The following ROBO2 variants were observed in gnomAD, a reference collection of about 807,000 sequenced individuals.
ROBO2 encodes the protein roundabout guidance receptor 2.
A neutral mutation model predicts 160.8 loss-of-function variants in ROBO2; 53 were observed. That is an observed-to-expected ratio of 0.33 (90% CI 0.26 to 0.41). The LOEUF is 0.41. ROBO2 is among the 10% of genes least tolerant of loss of function. The probability of loss-of-function intolerance (pLI) is 1.00; values close to 1 mark genes in which losing one functional copy is unlikely to be tolerated. For synonymous variants in ROBO2, 664 were observed against 611.7 expected (o/e 1.09, Z -1.26); for missense variants, 1,577 against 1,722.4 (o/e 0.92, Z 1.49).
At chr3:77,371,787 T>C (rs754436105) in intron 2 of ROBO2, among the ~76,000 whole-genome samples, 13 of 152,348 alleles carry the variant, frequency 8.5e-5, no homozygotes, top group Non-Finnish European at 1.5e-4. Flanking sequence ...TGGGTCATGA[T>C]TTTTATCCGG....
intron 1 of ROBO2, among the ~76,000 whole-genome samples, chr3:77,050,943 G>A (rs1559906294): frequency 6.6e-6 from 1 of 151,344 alleles, no homozygotes; most frequent in Non-Finnish European, 1.5e-5. Context: ...GCTTGTGTCT[G>A]CGAGGTCAAG....
chr3:76,662,770 G>A (rs2110069754), intron 2 of ROBO2, among the ~76,000 whole-genome samples: 1 of 152,248 alleles, frequency 6.6e-6, no homozygotes. Context: ...CAGAGTTGAG[G>A]AGTCAGGAAG....
chr3:76,859,118 A>G (rs1177087736), intron 2 of ROBO2, among the ~76,000 whole-genome samples: 1 of 152,204 alleles, frequency 6.6e-6, no homozygotes, highest in Non-Finnish European at 1.5e-5. Flanking sequence ...TAAACATGAG[A>G]GTTGATTTCT....
At chr3:76,681,544 G>A (rs537119443) in intron 2 of ROBO2, among the ~76,000 whole-genome samples, 1 of 152,022 alleles carries the variant, frequency 6.6e-6, no homozygotes, top group East Asian at 1.9e-4. Context: ...GGTGATCAAT[G>A]GAAGCTTTTT....
chr3:76,317,740 A>G (rs1268400657), intron 2 of ROBO2, among the ~76,000 whole-genome samples: 3 of 152,088 alleles, frequency 2.0e-5, no homozygotes, highest in Non-Finnish European at 2.9e-5. Context: ...AGTATTTTTT[A>G]TATATAGTAA....
At chr3:76,681,578 G>T (rs2092562333) in intron 2 of ROBO2, among the ~76,000 whole-genome samples, 1 of 152,132 alleles carries the variant, frequency 6.6e-6, no homozygotes, top group Non-Finnish European at 1.5e-5. Flanking sequence ...CATTTAAATT[G>T]CGACCTAAAG....
intron 1 of ROBO2, among the ~76,000 whole-genome samples, chr3:77,081,314 T>C (rs923674098): frequency 6.6e-6 from 1 of 152,172 alleles, no homozygotes; most frequent in African/African-American, 2.4e-5. Flanking sequence ...AGCAGTGAAA[T>C]TCAGCAGAAG....
At chr3:77,119,196 C>G (rs2074499956) in intron 2 of ROBO2, among the ~76,000 whole-genome samples, 1 of 152,186 alleles carries the variant, frequency 6.6e-6, no homozygotes. Flanking sequence ...CCTCCCCAGC[C>G]ATGCAGAACA....
intron 2 of ROBO2, among the ~76,000 whole-genome samples, chr3:77,248,625 C>T (rs2090001133): frequency 6.6e-6 from 1 of 152,178 alleles, no homozygotes; most frequent in Admixed American, 6.5e-5. Flanking sequence ...CTCACCTGCG[C>T]CCCCTCCCTT....
At chr3:77,535,319 T>C (rs929427540) in intron 6 of ROBO2, among the ~76,000 whole-genome samples, 1 of 152,096 alleles carries the variant, frequency 6.6e-6, no homozygotes, top group Non-Finnish European at 1.5e-5. Flanking sequence ...ATGACAGTTC[T>C]GGCAAGTTGA....
At chr3:75,963,215 T>C (rs1035771092) in intron 2 of ROBO2, among the ~76,000 whole-genome samples, 15 of 151,830 alleles carry the variant, frequency 9.9e-5, no homozygotes, top group African/African-American at 3.6e-4. Context: ...ACAGACAGGG[T>C]CTCACTCTGT....
intron 2 of ROBO2, among the ~76,000 whole-genome samples, chr3:76,736,917 G>A (rs9825104): frequency 0.66 from 99,599 of 152,008 alleles, 32,843 homozygotes; most frequent in African/African-American, 0.73. Context: ...TCTAAAATAT[G>A]TGAGGCAGAA....
At chr3:76,938,105 G>A (rs2077843155) in intron 2 of ROBO2, among the ~76,000 whole-genome samples, 1 of 152,144 alleles carries the variant, frequency 6.6e-6, no homozygotes, top group African/African-American at 2.4e-5. Context: ...TTTCTATAAG[G>A]CTGGTTTCTT....
At chr3:76,141,149 C>CTA (rs1367308943) in intron 2 of ROBO2, among the ~76,000 whole-genome samples, 32 of 51,146 alleles carry the variant, frequency 6.3e-4, no homozygotes, top group African/African-American at 7.9e-4. Flanking sequence ...CTCTCTCTCT[C>CTA]TCTCTCTCTC....
intron 2 of ROBO2, among the ~76,000 whole-genome samples, chr3:76,797,929 T>C (rs1190542054): frequency 6.6e-6 from 1 of 151,414 alleles, no homozygotes; most frequent in South Asian, 2.1e-4. Context: ...AAAGCCATAA[T>C]AAAAAGTCTC....
At chr3:77,437,946 G>C (rs953595611) in intron 2 of ROBO2, among the ~76,000 whole-genome samples, 1 of 151,930 alleles carries the variant, frequency 6.6e-6, no homozygotes, top group South Asian at 2.1e-4. Context: ...AAGTGTAGCA[G>C]TATGTTTATT....
At chr3:77,644,981 A>G in intron 25 of ROBO2, 77 bp downstream of exon 27, 1 of 1,405,276 alleles carries the variant, frequency 7.1e-7, no homozygotes, top group Non-Finnish European at 1.0e-6. Context: ...ACATTAAACA[A>G]ATTTCAGATT....
exon 3 of ROBO2, chr3:77,477,449 G>A: frequency 4.3e-6 from 7 of 1,613,860 alleles, no homozygotes; most frequent in Non-Finnish European, 5.9e-6. Context: ...CCCCACAGAT[G>A]TTGTAGTGGC....
chr3:76,143,192 A>G (rs1412857859), intron 2 of ROBO2, among the ~76,000 whole-genome samples: 2 of 151,860 alleles, frequency 1.3e-5, no homozygotes, highest in African/African-American at 2.4e-5. Flanking sequence ...ATATTCAGAT[A>G]TTTATTACTA....
Sources: allele counts gnomAD v4.1 joint callset (sites outside exome capture counted in the v4.1 genomes callset), GRCh38; gene constraint gnomAD v4.1.1; transcripts MANE v1.5; gene names NCBI Gene and HGNC (gene_info 2026-07-23, HGNC 2026-07-21).